Variants in DNAH14 observed in about 807,000 individuals in gnomAD.
DNAH14 encodes the protein axonemal beta dynein heavy chain 14.
Under a neutral mutation model 520.9 loss-of-function variants are expected in DNAH14, and 478 were observed. The ratio of observed to expected loss-of-function variants is 0.92; its 90% CI spans 0.85 to 0.99. The LOEUF (loss-of-function observed/expected upper bound fraction) is 0.99. DNAH14 is among the 50% of genes least tolerant of loss of function. The probability of loss-of-function intolerance (pLI) is 0.00; values close to 1 mark genes in which losing one functional copy is unlikely to be tolerated. For synonymous variants in DNAH14, 1,581 were observed against 1,757.2 expected (o/e 0.90, Z 2.51); for missense variants, 4,831 against 5,234.5 (o/e 0.92, Z 2.38).
At chr1:225,154,668 C>T (rs991891588) in intron 34 of DNAH14, among the ~76,000 whole-genome samples, 1 of 151,838 alleles carries the variant, frequency 6.6e-6, no homozygotes, top group Non-Finnish European at 1.5e-5. Context: ...CAACCATTGT[C>T]CACATCATTT....
intron 27 of DNAH14, among the ~76,000 whole-genome samples, chr1:225,124,947 CA>C (rs2077593122): frequency 6.6e-6 from 1 of 152,148 alleles, no homozygotes; most frequent in Non-Finnish European, 1.5e-5. Context: ...TGTTATCAGG[CA>C]TGAAAACAAC....
intron 58 of DNAH14, among the ~76,000 whole-genome samples, chr1:225,306,113 C>A (rs759563857): frequency 5.9e-5 from 9 of 152,204 alleles, no homozygotes; most frequent in African/African-American, 9.7e-5. Flanking sequence ...AGAGTGTGAA[C>A]TAATTTGTGT....
In DNAH14 at chr1:225,174,971, T is replaced by C. The variant is rs562343353; in HGVS notation, c.5535+6943T>C. Among the ~76,000 whole-genome samples the C allele has an allele frequency of 2.6e-5, 4 of 152,340 alleles. No individual in the cohort carries two copies. The East Asian group carries it at 7.7e-4, about 29-fold the overall frequency. Reference sequence around the variant, plus strand: ...TCCCAGATTTTGTTAATGAGATATATCGTGTTTACTGTTTTGCATATGTTG... The same window carrying C: ...TCCCAGATTTTGTTAATGAGATATACCGTGTTTACTGTTTTGCATATGTTG... On this transcript the variant is annotated intron_variant, in intron 36 of 85. Transcript: ENST00000682510.
intron 17 of DNAH14, among the ~76,000 whole-genome samples, chr1:225,052,236 G>T (rs558770609): frequency 6.6e-6 from 1 of 152,248 alleles, no homozygotes; most frequent in Non-Finnish European, 1.5e-5. Context: ...ACCTCTTTAA[G>T]CAAGTATTCT....
rs369118116 is a variant in DNAH14 at position 224,985,666 on chromosome 1, T to A, written c.830+11513T>A. On this transcript the variant is annotated intron_variant, in intron 8 of 85. Coordinates refer to ENST00000682510, the MANE Select transcript of DNAH14 (RefSeq NM_001367479.1). ...TGAGGAAGCTCAAAGAAATTCAAGA[T>A]AACACAGAGAAGGAATTAAGCAACC... Among the ~76,000 whole-genome samples the A allele has an allele frequency of 4.1e-4, 63 of 152,002 alleles. 1 individual carries two copies. In the South Asian group the frequency reaches 0.013, roughly 31 times the overall value.
chr1:225,335,537 A>G (rs1272220173), intron 66 of DNAH14, among the ~76,000 whole-genome samples: 37 of 63,084 alleles, frequency 5.9e-4, no homozygotes, highest in South Asian at 3.1e-3. Context: ...ACATATGTAC[A>G]TATATACGTA....
chr1:225,308,140 C>T (rs2094287680), intron 59 of DNAH14, 145 bp from the exon 60 acceptor site: 3 of 887,558 alleles, frequency 3.4e-6, no homozygotes, highest in Non-Finnish European at 4.9e-6. Context: ...CTCTTGCTGT[C>T]TCTCATTTTA....
At chr1:225,174,300 C>T (rs2083068475) in intron 36 of DNAH14, among the ~76,000 whole-genome samples, 1 of 152,018 alleles carries the variant, frequency 6.6e-6, no homozygotes, top group Admixed American at 6.6e-5. Context: ...AATATGAATT[C>T]TTGCAATCCA....
chr1:225,021,061 C>T (rs978965727), intron 10 of DNAH14, among the ~76,000 whole-genome samples: 24 of 152,222 alleles, frequency 1.6e-4, no homozygotes, highest in Non-Finnish European at 2.9e-5. Context: ...ATGATCATCT[C>T]AACAGATGCA....
At chr1:225,168,415 G>A (rs929066434) in intron 36 of DNAH14, among the ~76,000 whole-genome samples, 9 of 152,226 alleles carry the variant, frequency 5.9e-5, no homozygotes, top group African/African-American at 1.9e-4. Context: ...GGAAAGGGGT[G>A]ACAGACGGCA....
At chr1:225,355,251 T>C (rs1350441472) in intron 73 of DNAH14, among the ~76,000 whole-genome samples, 2 of 152,034 alleles carry the variant, frequency 1.3e-5, no homozygotes, top group African/African-American at 2.4e-5. Flanking sequence ...CAAGAAAGTC[T>C]TTCTCTTTTC....
At chr1:225,378,100 C>T (rs542740854) in intron 79 of DNAH14, among the ~76,000 whole-genome samples, 2 of 151,862 alleles carry the variant, frequency 1.3e-5, no homozygotes, top group African/African-American at 2.4e-5. Flanking sequence ...CAAGGTATTA[C>T]GAGGCCCAAT....
At chr1:225,109,322 A>G (rs2076311361) in intron 23 of DNAH14, among the ~76,000 whole-genome samples, 1 of 152,162 alleles carries the variant, frequency 6.6e-6, no homozygotes, top group African/African-American at 2.4e-5. Flanking sequence ...ACATTTTAAC[A>G]ATATTGATTC....
chr1:224,965,005 C>T (rs936306623), intron 5 of DNAH14, among the ~76,000 whole-genome samples: 1 of 151,936 alleles, frequency 6.6e-6, no homozygotes, highest in Non-Finnish European at 1.5e-5. Context: ...ACTCTAACTC[C>T]CTGGTACCTG....
chr1:225,303,367 G>A lies in DNAH14; in HGVS notation c.8823+20G>A. 28 of 1,538,940 alleles carry A rather than the reference G, an allele frequency of 1.8e-5. No homozygotes were observed. Among genetic ancestry groups the A allele is most frequent in the Non-Finnish European group, 2.4e-5 (27 of 1,141,052 alleles). On this transcript the variant is annotated intron_variant, in intron 57 of 85. Coordinates refer to ENST00000682510, the MANE Select transcript of DNAH14 (RefSeq NM_001367479.1). The stretch of plus-strand genomic sequence containing the variant: ...AGAGAGGTAAATATCTAATGCAAGT[G>A]AAGGTTTCAGTTTATTGACAGCATC...
chr1:225,082,319 G>A (rs1472695804), intron 19 of DNAH14, among the ~76,000 whole-genome samples: 1 of 151,896 alleles, frequency 6.6e-6, no homozygotes, highest in Non-Finnish European at 1.5e-5. Context: ...TGATAGTTGG[G>A]TTTTAGTCAC....
chr1:224,942,267 G>A (rs1303915871), intron 1 of DNAH14, among the ~76,000 whole-genome samples: 1 of 152,104 alleles, frequency 6.6e-6, no homozygotes, highest in Admixed American at 6.5e-5. Flanking sequence ...TCTCTTTGAA[G>A]CAATTGTGAA....
chr1:225,250,289 T>C (rs2092483739), intron 43 of DNAH14, among the ~76,000 whole-genome samples: 1 of 152,226 alleles, frequency 6.6e-6, no homozygotes, highest in African/African-American at 2.4e-5. Flanking sequence ...TTCCAGTGGG[T>C]ATGAAATGTA....
intron 36 of DNAH14, among the ~76,000 whole-genome samples, chr1:225,174,406 CCTT>C (rs2083084973): frequency 6.6e-6 from 1 of 152,000 alleles, no homozygotes; most frequent in Admixed American, 6.6e-5. Flanking sequence ...AGATCTTTCA[CCTT>C]CTAGGTATTT....
Sources: allele counts gnomAD v4.1 joint callset (sites outside exome capture counted in the v4.1 genomes callset), GRCh38; gene constraint gnomAD v4.1.1; transcripts MANE v1.5; gene names NCBI Gene and HGNC (gene_info 2026-07-23, HGNC 2026-07-21).